The following CLPX variants were observed in gnomAD, a reference collection of about 807,000 sequenced individuals.
The protein encoded by CLPX is caseinolytic mitochondrial matrix peptidase chaperone subunit X, also known as ATP-dependent clpX-like chaperone, mitochondrial.
CLPX carries 34 observed loss-of-function variants against 76.4 expected under a neutral mutation model. The ratio of observed to expected loss-of-function variants is 0.45; its 90% confidence interval spans 0.34 to 0.59. The LOEUF (loss-of-function observed/expected upper bound fraction) is 0.59. Ranked by LOEUF, CLPX falls within the 20% of genes least tolerant of loss-of-function variation. CLPX has a pLI of 0.01. For missense variants in CLPX, 613 were observed against 757.0 expected (o/e 0.81, Z 2.23); for synonymous variants, 248 against 270.9 (o/e 0.92, Z 0.83).
In CLPX at chr15:65,165,737, GTATAGAATATAAAGCCCAA is replaced by G. The variant is rs528401233; in HGVS notation, c.513+875_513+893del. On this transcript the variant is annotated intron_variant, in intron 4 of 13. Coordinates refer to ENST00000300107, the MANE Select transcript of CLPX (RefSeq NM_006660.5). ...ACATGTCTAAAGTCTACACAAATTC[GTATAGAATATAAAGCCCAA>G]TATATTTTCCATTTTTAATGACAAA... 1.8e-3 allele frequency among the ~76,000 whole-genome samples: 270 copies of G among 152,120 alleles called. 1 individual carries two copies. The highest frequency in any genetic ancestry group is 5.7e-3 in the African/African-American group (237 of 41,500).
At chr15:65,156,604 T>C (rs1367664430) in intron 9 of CLPX, 5 of 452,770 alleles carry the variant, frequency 1.1e-5, no homozygotes, top group African/African-American at 4.0e-5. Flanking sequence ...AAAAAAAAGA[T>C]TAAATTTCAT....
At chr15:65,152,942 G>A (rs886481557) in intron 12 of CLPX, among the ~76,000 whole-genome samples, 2 of 150,806 alleles carry the variant, frequency 1.3e-5, no homozygotes, top group African/African-American at 2.4e-5. Context: ...TGAGAGATGA[G>A]GGTGTATGTT....
intron 3 of CLPX, among the ~76,000 whole-genome samples, chr15:65,170,822 C>CTTTTTTTTTTT (rs749248279): frequency 1.7e-5 from 2 of 118,576 alleles, no homozygotes; most frequent in Non-Finnish European, 3.3e-5. Context: ...TTCTGTTCTT[C>CTTTTTTTTTTT]TTTTTTTTTT....
chr15:65,160,138 T>C (rs1303247832), intron 6 of CLPX, among the ~76,000 whole-genome samples: 2 of 152,216 alleles, frequency 1.3e-5, no homozygotes, highest in East Asian at 3.8e-4. Context: ...AAGAAATTGA[T>C]TCAGAAAATC....
Position 65,150,516 on chromosome 15 carries a change from G to T in CLPX, c.*307C>A. On this transcript the variant is annotated 3_prime_UTR_variant, in exon 14 of 14. Transcript: ENST00000300107. ...CATTATTGTAAAATCTACAGTTATC[G>T]CAATACCTGCATTGCTTAAAAGAAT... 4.9e-6 allele frequency: 1 copy of T among 203,076 alleles called. No homozygotes were observed. 12.6% of individuals were successfully genotyped at this position (203,076 alleles called of 1,614,324 possible).
chr15:65,156,617 T>C (rs977163508), intron 9 of CLPX: 5 of 466,076 alleles, frequency 1.1e-5, no homozygotes, highest in Non-Finnish European at 1.9e-5. Flanking sequence ...AATTTCATTT[T>C]TTCTGTTCTT....
chr15:65,184,072 T>C (rs1473301908), intron 1 of CLPX, among the ~76,000 whole-genome samples: 1 of 152,180 alleles, frequency 6.6e-6, no homozygotes, highest in East Asian at 1.9e-4. Context: ...GTAAAGAAAC[T>C]GGAAGATATA....
intron 6 of CLPX, among the ~76,000 whole-genome samples, chr15:65,162,208 A>G (rs970897236): frequency 1.3e-5 from 2 of 152,082 alleles, no homozygotes; most frequent in Non-Finnish European, 2.9e-5. Context: ...TGGGGCTGGA[A>G]ACAGTGAATT....
At chr15:65,166,082 A>G (rs1207638748) in intron 4 of CLPX, among the ~76,000 whole-genome samples, 1 of 152,298 alleles carries the variant, frequency 6.6e-6, no homozygotes. Context: ...ATCTCACAGG[A>G]CCAAATCATA....
At position 65,155,065 on chromosome 15, in the gene CLPX, G is replaced by A. The variant is rs1444831101; in HGVS notation, c.1328C>T (p.Thr443Ile). The change falls in exon 11 of 14, where the codon ACA becomes ATA. Residue 443 changes from threonine to isoleucine, a missense_variant. Physicochemically the swap from Thr to Ile is moderately conservative, Grantham distance 89. Transcript: ENST00000300107. The stretch of plus-strand genomic sequence containing the variant: ...TCTGCCTTTTCCCAGATTAGATGGT[G>A]TTCCAAATCCAAGATACTGCCAAAG... ...RKNEKYLGFGTPSNLGKGRRA... is the reference protein window; with the variant it reads ...RKNEKYLGFGIPSNLGKGRRA... 1.2e-6 allele frequency: 2 copies of A among 1,612,750 alleles called. No individual in the cohort carries two copies. Among genetic ancestry groups the A allele is most frequent in the Admixed American group, 3.3e-5 (2 of 59,994 alleles).
intron 3 of CLPX, among the ~76,000 whole-genome samples, chr15:65,170,200 C>T (rs1451794480): frequency 2.6e-5 from 4 of 152,124 alleles, no homozygotes; most frequent in South Asian, 2.1e-4. Flanking sequence ...TAATGGTAAC[C>T]GGGGACCTCA....
intron 9 of CLPX, among the ~76,000 whole-genome samples, chr15:65,156,364 A>G (rs2087789847): frequency 6.6e-6 from 1 of 152,186 alleles, no homozygotes; most frequent in South Asian, 2.1e-4. Context: ...AATTTTCCTC[A>G]CCCTTTAATA....
chr15:65,160,069 T>C (rs2087834119), intron 6 of CLPX, among the ~76,000 whole-genome samples: 1 of 152,186 alleles, frequency 6.6e-6, no homozygotes, highest in Non-Finnish European at 1.5e-5. Context: ...CGCCTCAGCC[T>C]CCCCAAGTAC....
At position 65,157,901 on chromosome 15, in the gene CLPX, A is replaced by C; in HGVS notation, c.902T>G (p.Leu301Arg). The C allele has an allele frequency of 4.4e-6, 7 of 1,591,080 alleles. No individual in the cohort carries two copies. Among genetic ancestry groups the C allele is most frequent in the Non-Finnish European group, 5.1e-6 (6 of 1,170,894 alleles). Residue 301 changes from leucine to arginine, a missense_variant, in exon 8 of 14, where the codon CTG (leucine) becomes CGG (arginine). By Grantham distance (102) the Leu-to-Arg change is moderately radical. Coordinates refer to ENST00000300107, the MANE Select transcript of CLPX (RefSeq NM_006660.5). ...GCATTTAGCTAGGGTTTGTGCCAGC[A>C]GAGTTTTACCTACAAATAGAAACAG... Reference protein sequence around the residue: ...LLGPTGSGKTLLAQTLAKCLD... With the variant: ...LLGPTGSGKTRLAQTLAKCLD...
chr15:65,155,840 A>G lies in CLPX; in HGVS notation c.1163T>C (p.Leu388Pro). 6.2e-7 allele frequency: 1 copy of G among 1,613,556 alleles called. No homozygotes were observed. Among genetic ancestry groups the G allele is most frequent in the Non-Finnish European group, 8.5e-7 (1 of 1,179,548 alleles). The change falls in exon 10 of 14, where the codon CTA (leucine) becomes CCA (proline). Residue 388 changes from leucine (L) to proline (P), a missense_variant. By Grantham distance (98) the Leu-to-Pro change is moderately conservative. This residue lies in a region of CLPX where 450 missense variants were observed against 638.6 expected (regional missense o/e 0.70). Coordinates refer to ENST00000300107, the MANE Select transcript of CLPX (RefSeq NM_006660.5). ...EGVQQGLLKL[L>P]EGTIVNVPEK... ...TGGAACATTGACTATTGTGCCTTCT[A>G]GTAGTTTTAATAAGCCCTAAATAAA...
chr15:65,155,664 C>T lies in CLPX; in HGVS notation c.1311+28G>A. On this transcript the variant is annotated intron_variant, in intron 10 of 13. Transcript: ENST00000300107. ...GTACATCCTTTAAATGCTCTCTATCCTTCTAGTAACCCCTCAGAAAAACTT... is the reference window on the plus strand; with the variant it reads ...GTACATCCTTTAAATGCTCTCTATCTTTCTAGTAACCCCTCAGAAAAACTT... 2 of 1,587,818 alleles carry T rather than the reference C, an allele frequency of 1.3e-6. 1 individual carries two copies. The highest frequency in any genetic ancestry group is 2.2e-5 in the South Asian group (2 of 89,996).
intron 3 of CLPX, among the ~76,000 whole-genome samples, chr15:65,168,962 T>C (rs1201602230): frequency 6.6e-6 from 1 of 150,588 alleles, no homozygotes; most frequent in Non-Finnish European, 1.5e-5. Flanking sequence ...GCTCAAGCAA[T>C]CCTCCCACCT....
chr15:65,181,749 AAAATAAAT>A (rs10605280), intron 1 of CLPX, among the ~76,000 whole-genome samples: 2,684 of 137,930 alleles, frequency 0.019, 48 homozygotes, highest in African/African-American at 0.045. Context: ...GCTCTGTCGC[AAAATAAAT>A]AAATAAATAA....
In CLPX at chr15:65,154,863, A is replaced by G. The variant is rs1226056207; in HGVS notation, c.1530T>C (p.Asp510=). ...LPVVVPLHSL[D]EKTLVQILTE... Reference sequence around the variant, plus strand: ...TTAATATTTGTACAAGTGTTTTCTCATCTAGGCTATGCAATGGAACCACCA... The same window carrying G: ...TTAATATTTGTACAAGTGTTTTCTCGTCTAGGCTATGCAATGGAACCACCA... The change falls in exon 11 of 14, where the codon GAT becomes GAC. Residue 510 remains aspartate (D), a synonymous_variant. Transcript: ENST00000300107. 1 of 1,614,092 alleles carries G rather than the reference A, an allele frequency of 6.2e-7. No individual in the cohort carries two copies. Among genetic ancestry groups the G allele is most frequent in the African/African-American group, 1.3e-5 (1 of 74,946 alleles).
Sources: gnomAD v4.1 joint callset for allele counts (sites outside exome capture counted in the v4.1 genomes callset) on GRCh38, gnomAD v4.1.1 for gene constraint, gnomAD v4.1.1 regional missense constraint, MANE v1.5 for transcripts, NCBI Gene and HGNC (gene_info 2026-07-23, HGNC 2026-07-21) for gene names.